Variants in SLC25A36 observed in about 807,000 individuals in gnomAD.
The protein encoded by SLC25A36 is epididymis secretory sperm binding protein.
A neutral mutation model predicts 35.3 loss-of-function variants in SLC25A36; 24 were observed. The observed-to-expected ratio is 0.68, with a 90% CI of 0.49 to 0.96. The LOEUF is 0.96. Among genes scored for constraint, SLC25A36 ranks in the 40% least tolerant of loss-of-function variants. The pLI is 0.00. For missense variants in SLC25A36, 294 were observed against 381.1 expected (o/e 0.77, Z 1.90); for synonymous variants, 141 against 132.2 (o/e 1.07, Z -0.46).
chr3:140,949,783 A>G (rs1220596226), intron 1 of SLC25A36, among the ~76,000 whole-genome samples: 1 of 152,244 alleles, frequency 6.6e-6, no homozygotes, highest in Admixed American at 6.5e-5. Context: ...TCAAGAAAGC[A>G]CACAGAACAA....
chr3:140,976,441 A>C lies in SLC25A36; in HGVS notation c.924A>C (p.Leu308=). Residue 308 remains leucine (L), a synonymous_variant, in exon 7 of 7, where the codon CTA becomes CTC. Transcript: ENST00000324194. Reference sequence around the variant, plus strand: ...CCACCTATGAATTGGTGGTTTACCTACTCAATGGATAGCAGCACGAGGACT... The same window carrying C: ...CCACCTATGAATTGGTGGTTTACCTCCTCAATGGATAGCAGCACGAGGACT... ...MMATYELVVY[L]LNG The C allele has an allele frequency of 1.9e-6, 3 of 1,611,556 alleles. No homozygotes were observed. Among genetic ancestry groups the C allele is most frequent in the African/African-American group, 1.3e-5 (1 of 74,888 alleles).
chr3:140,970,781 G>A (rs764575103), intron 4 of SLC25A36, 146 bp from the exon 5 acceptor site: 9 of 439,850 alleles, frequency 2.0e-5, no homozygotes, highest in Admixed American at 3.9e-5. Context: ...AATGTTTGTC[G>A]TATGTGAAAA....
In SLC25A36 at chr3:140,975,901, T is replaced by A. The variant is rs1359723306; in HGVS notation, c.743-359T>A. Among the ~76,000 whole-genome samples the A allele has an allele frequency of 1.3e-5, 2 of 152,222 alleles. 1 individual carries two copies. Among genetic ancestry groups the A allele is most frequent in the Admixed American group, 1.3e-4 (2 of 15,282 alleles). On this transcript the variant is annotated intron_variant, in intron 6 of 6. Coordinates refer to ENST00000324194, the MANE Select transcript of SLC25A36 (RefSeq NM_001104647.3). Reference sequence around the variant, plus strand: ...AATCTTTTCTGCTTGTTTCTCACTGTATCCTTTTTATATTCATCCTGGATG... The same window carrying A: ...AATCTTTTCTGCTTGTTTCTCACTGAATCCTTTTTATATTCATCCTGGATG...
At chr3:140,968,792 G>C (rs564199007) in intron 4 of SLC25A36, 15 of 653,872 alleles carry the variant, frequency 2.3e-5, no homozygotes, top group Middle Eastern at 7.8e-4. Flanking sequence ...AAAAACTTAG[G>C]TGCTCATCTT....
chr3:140,951,064 C>T (rs929914135), intron 1 of SLC25A36, among the ~76,000 whole-genome samples: 2 of 152,104 alleles, frequency 1.3e-5, no homozygotes, highest in African/African-American at 4.8e-5. Context: ...CATTAGGCCT[C>T]CTAGGGATTC....
At chr3:140,971,525 T>TA (rs1423705747) in intron 5 of SLC25A36, among the ~76,000 whole-genome samples, 8 of 152,272 alleles carry the variant, frequency 5.3e-5, no homozygotes, top group African/African-American at 1.7e-4. Flanking sequence ...TGCTACGTCT[T>TA]AGAGATGCAC....
chr3:140,958,033 A>G (rs1445530608), intron 2 of SLC25A36, among the ~76,000 whole-genome samples: 2 of 152,100 alleles, frequency 1.3e-5, no homozygotes, highest in African/African-American at 4.8e-5. Flanking sequence ...GTAAAGGGGT[A>G]CTGGTTTTTT....
rs1934584447 is a variant in SLC25A36 at position 140,959,887 on chromosome 3, A to G, written c.284+347A>G. On this transcript the variant is annotated intron_variant, in intron 3 of 6. Coordinates refer to ENST00000324194, the MANE Select transcript of SLC25A36 (RefSeq NM_001104647.3). ...TGCATTAAATTATTGATAGTCTTAT[A>G]CTGGGGGAAAATAATAAAGTATCGC... Among the ~76,000 whole-genome samples, 4 of 152,318 alleles carry G rather than the reference A, an allele frequency of 2.6e-5. No individual in the cohort carries two copies. The South Asian group carries it at 8.3e-4, about 32-fold the overall frequency.
intron 1 of SLC25A36, among the ~76,000 whole-genome samples, 169 bp from the exon 2 acceptor site, chr3:140,956,358 T>G (rs1485792229): frequency 6.6e-6 from 1 of 152,290 alleles, no homozygotes; most frequent in East Asian, 1.9e-4. Flanking sequence ...TTGTATGAAA[T>G]CAAATAATGG....
intron 3 of SLC25A36, among the ~76,000 whole-genome samples, chr3:140,960,105 A>T (rs1438963621): frequency 6.6e-6 from 1 of 152,132 alleles, no homozygotes. Flanking sequence ...GGATAAATGG[A>T]AATACTCTCG....
chr3:140,956,489 A>C, intron 1 of SLC25A36, 38 bp from the exon 2 acceptor site: 1 of 1,517,002 alleles, frequency 6.6e-7, no homozygotes, highest in African/African-American at 1.4e-5. Flanking sequence ...TTATGAATTA[A>C]GTAGATAAGC....
At chr3:140,975,794 A>T (rs546561697) in intron 6 of SLC25A36, among the ~76,000 whole-genome samples, 1 of 152,242 alleles carries the variant, frequency 6.6e-6, no homozygotes, top group South Asian at 2.1e-4. Flanking sequence ...CTTTGTCCAC[A>T]TGATGTTTCA....
At chr3:140,954,758 C>T (rs1576479707) in intron 1 of SLC25A36, among the ~76,000 whole-genome samples, 2 of 152,216 alleles carry the variant, frequency 1.3e-5, no homozygotes, top group East Asian at 3.9e-4. Flanking sequence ...AATATTTGTT[C>T]TCAGTCTATG....
At chr3:140,962,594 T>G (rs1353385962) in intron 3 of SLC25A36, among the ~76,000 whole-genome samples, 1 of 152,138 alleles carries the variant, frequency 6.6e-6, no homozygotes, top group African/African-American at 2.4e-5. Context: ...TTAAAATTGT[T>G]TAGCATATAC....
intron 1 of SLC25A36, among the ~76,000 whole-genome samples, chr3:140,953,334 CCTA>C (rs767975038): frequency 1.3e-5 from 2 of 150,448 alleles, no homozygotes; most frequent in African/African-American, 4.9e-5. Context: ...TTGCTATAAT[CCTA>C]CTACTTTTTG....
intron 1 of SLC25A36, among the ~76,000 whole-genome samples, chr3:140,948,287 TAA>T (rs1227516328): frequency 2.0e-5 from 3 of 152,052 alleles, no homozygotes; most frequent in Non-Finnish European, 4.4e-5. Flanking sequence ...AAAAACTCTT[TAA>T]GTTTGGCTAG....
At chr3:140,965,884 A>G (rs1358729430) in intron 4 of SLC25A36, 1 of 151,666 alleles carries the variant, frequency 6.6e-6, no homozygotes, top group Non-Finnish European at 1.5e-5. Flanking sequence ...ATTCCTTTGT[A>G]TACACCTAGG....
At chr3:140,959,576 G>A in intron 3 of SLC25A36, 36 bp downstream of exon 3, 1 of 1,078,138 alleles carries the variant, frequency 9.3e-7, no homozygotes, top group Non-Finnish European at 1.3e-6. Flanking sequence ...AGCAAGTTAT[G>A]GCAATCTCTT....
chr3:140,958,377 A>G (rs1039039616), intron 2 of SLC25A36, among the ~76,000 whole-genome samples: 1 of 152,188 alleles, frequency 6.6e-6, no homozygotes, highest in African/African-American at 2.4e-5. Context: ...GCATATATGT[A>G]TCTAGGTTGT....
Sources: allele counts gnomAD v4.1 joint callset (sites outside exome capture counted in the v4.1 genomes callset), GRCh38; gene constraint gnomAD v4.1.1; transcripts MANE v1.5; gene names NCBI Gene and HGNC (gene_info 2026-07-23, HGNC 2026-07-21).